Variants in PTPN14 observed in about 807,000 individuals in gnomAD.
The protein encoded by PTPN14 is tyrosine-protein phosphatase non-receptor type 14.
A neutral mutation model predicts 126.8 loss-of-function variants in PTPN14; 53 were observed. The ratio of observed to expected loss-of-function variants is 0.42; its 90% CI spans 0.34 to 0.53. The LOEUF (loss-of-function observed/expected upper bound fraction) is 0.53. Ranked by LOEUF, PTPN14 falls within the 20% of genes least tolerant of loss-of-function variation. The pLI is 0.08. For missense variants in PTPN14, 1,257 were observed against 1,552.9 expected (o/e 0.81, Z 3.20); for synonymous variants, 630 against 599.3 (o/e 1.05, Z -0.75).
chr1:214,456,974 G>T (rs1226403951), intron 2 of PTPN14, among the ~76,000 whole-genome samples: 1 of 152,156 alleles, frequency 6.6e-6, no homozygotes, highest in Non-Finnish European at 1.5e-5. Context: ...ATAAAATACA[G>T]CAGAATTCCA....
At chr1:214,462,402 T>C (rs4233301) in intron 2 of PTPN14, among the ~76,000 whole-genome samples, 126,097 of 152,144 alleles carry the variant, frequency 0.83, 52,363 homozygotes, top group African/African-American at 0.89. Flanking sequence ...TAGCTTGACC[T>C]GGTGATTCAG....
At chr1:214,548,621 T>C (rs1656030135) in intron 1 of PTPN14, among the ~76,000 whole-genome samples, 1 of 152,190 alleles carries the variant, frequency 6.6e-6, no homozygotes, top group Admixed American at 6.5e-5. Flanking sequence ...GAAATCCTTG[T>C]TCAAAAATGA....
At position 214,438,143 on chromosome 1, in the gene PTPN14, A is replaced by G. The variant is rs78758234; in HGVS notation, c.344+13662T>C. Among the ~76,000 whole-genome samples, 333 of 152,290 alleles carry G rather than the reference A, an allele frequency of 2.2e-3. 2 individuals are homozygous for G. Among genetic ancestry groups the G allele is most frequent in the African/African-American group, 7.4e-3 (308 of 41,572 alleles). ...GAATCTGTTTATCTTTTCAGACTAC[A>G]GTCTCTTCAAGTTACAAGTACTGTG... On this transcript the variant is annotated intron_variant, in intron 3 of 18. Transcript: ENST00000366956.
At chr1:214,533,919 G>C (rs184397189) in intron 1 of PTPN14, among the ~76,000 whole-genome samples, 88 of 151,870 alleles carry the variant, frequency 5.8e-4, no homozygotes, top group African/African-American at 2.1e-3. Context: ...AGAAAACAAG[G>C]AGGATGAAAA....
chr1:214,412,689 G>C (rs1377985100), intron 4 of PTPN14, among the ~76,000 whole-genome samples: 1 of 152,114 alleles, frequency 6.6e-6, no homozygotes, highest in Non-Finnish European at 1.5e-5. Context: ...TATTTGAAAA[G>C]GATTAGTTAG....
At chr1:214,439,743 T>C (rs1659998025) in intron 3 of PTPN14, among the ~76,000 whole-genome samples, 1 of 152,330 alleles carries the variant, frequency 6.6e-6, no homozygotes, top group East Asian at 1.9e-4. Context: ...CTGACACCTT[T>C]CTACTGTTTA....
At chr1:214,479,435 G>A (rs1660935759) in intron 1 of PTPN14, among the ~76,000 whole-genome samples, 1 of 151,622 alleles carries the variant, frequency 6.6e-6, no homozygotes, top group African/African-American at 2.4e-5. Context: ...TGCCTCCCAG[G>A]TTCAAACGAT....
intron 17 of PTPN14, among the ~76,000 whole-genome samples, chr1:214,365,469 C>CA (rs746356608): frequency 6.6e-6 from 1 of 152,154 alleles, no homozygotes; most frequent in Non-Finnish European, 1.5e-5. Context: ...ATGTAATCCT[C>CA]AGACACTCCA....
intron 7 of PTPN14, among the ~76,000 whole-genome samples, chr1:214,399,255 T>C (rs4565681): frequency 0.04 from 6,160 of 152,250 alleles, 220 homozygotes; most frequent in South Asian, 0.21. Flanking sequence ...ACCAGCTGTG[T>C]CGGCGGGGTC....
chr1:214,519,095 C>A (rs1655179532), intron 1 of PTPN14, among the ~76,000 whole-genome samples: 1 of 152,060 alleles, frequency 6.6e-6, no homozygotes, highest in South Asian at 2.1e-4. Flanking sequence ...ATGGTGAAAC[C>A]CCACCTCCAC....
At chr1:214,446,735 C>G (rs1247493329) in intron 3 of PTPN14, among the ~76,000 whole-genome samples, 2 of 145,030 alleles carry the variant, frequency 1.4e-5, no homozygotes, top group African/African-American at 5.0e-5. Context: ...ATATACACAG[C>G]AAAAAAAAAA....
intron 3 of PTPN14, among the ~76,000 whole-genome samples, chr1:214,426,032 C>CAAAAAAA (rs66656875): frequency 5.9e-5 from 2 of 33,850 alleles, no homozygotes; most frequent in African/African-American, 1.2e-4. Context: ...GCATAAATCG[C>CAAAAAAA]AAAAAAAAAA....
At chr1:214,550,753 G>T (rs1656087699) in intron 1 of PTPN14, among the ~76,000 whole-genome samples, 1 of 152,134 alleles carries the variant, frequency 6.6e-6, no homozygotes, top group African/African-American at 2.4e-5. Flanking sequence ...GGTGGGGTGT[G>T]ATTGGGAGCG....
chr1:214,467,974 T>C (rs201411109), intron 1 of PTPN14, among the ~76,000 whole-genome samples: 3 of 151,898 alleles, frequency 2.0e-5, no homozygotes, highest in Non-Finnish European at 4.4e-5. Flanking sequence ...CAGGCTGCTG[T>C]AGAATAAAAG....
At chr1:214,393,019 C>T (rs1003108172) in intron 10 of PTPN14, among the ~76,000 whole-genome samples, 4 of 152,178 alleles carry the variant, frequency 2.6e-5, no homozygotes, top group Admixed American at 6.5e-5. Flanking sequence ...AGCTGAGGAA[C>T]GTCTTTTGAA....
In PTPN14 at chr1:214,436,786, C is replaced by CAAAAAAAAAAA. The variant is rs1159209240; in HGVS notation, c.344+15008_344+15018dup. 9.8e-3 allele frequency among the ~76,000 whole-genome samples: 455 copies of CAAAAAAAAAAA among 46,468 alleles called. 26 individuals are homozygous for CAAAAAAAAAAA. Among genetic ancestry groups the CAAAAAAAAAAA allele is most frequent in the African/African-American group, 0.034 (435 of 12,894 alleles). 30.5% of individuals were successfully genotyped at this position (46,468 alleles called of 152,430 possible). A position where few individuals can be genotyped will look rare whatever the true frequency, so the allele number is the denominator to read the frequency against. On this transcript the variant is annotated intron_variant, in intron 3 of 18. Coordinates refer to ENST00000366956, the MANE Select transcript of PTPN14 (RefSeq NM_005401.5). ...TGGGCGACAGAGAAAGACTCCGTCT[C>CAAAAAAAAAAA]AAAAAAAAAAAAAAAAAAAAAAAAA... is the stretch of plus-strand genomic sequence containing the variant.
chr1:214,402,718 C>G (rs1659061391), intron 6 of PTPN14, among the ~76,000 whole-genome samples, 165 bp downstream of exon 6: 1 of 119,668 alleles, frequency 8.4e-6, no homozygotes, highest in Non-Finnish European at 1.8e-5. Flanking sequence ...TTCAAGTGGA[C>G]ATTCACTTTT....
chr1:214,514,734 A>G (rs575786873), intron 1 of PTPN14, among the ~76,000 whole-genome samples: 145 of 152,322 alleles, frequency 9.5e-4, no homozygotes, highest in Non-Finnish European at 1.1e-3. Flanking sequence ...CCATGACCCC[A>G]GCTCAAACCA....
In PTPN14 at chr1:214,432,321, A is replaced by C. The variant is rs376646569; in HGVS notation, c.345-17595T>G. On this transcript the variant is annotated intron_variant, in intron 3 of 18. Coordinates refer to ENST00000366956, the MANE Select transcript of PTPN14 (RefSeq NM_005401.5). ...CATTTGTTTAATGAATAACAAATTC[A>C]ATACAGAAAGAAAGAAAAAAGAAAC... 8.0e-4 allele frequency among the ~76,000 whole-genome samples: 121 copies of C among 152,190 alleles called. 2 individuals carry two copies. The South Asian group carries it at 0.024, about 30-fold the overall frequency.
Sources: gnomAD v4.1 joint callset for allele counts (sites outside exome capture counted in the v4.1 genomes callset) on GRCh38, gnomAD v4.1.1 for gene constraint, MANE v1.5 for transcripts, NCBI Gene and HGNC (gene_info 2026-07-23, HGNC 2026-07-21) for gene names.